The following GABRR1 variants were observed in gnomAD, a reference collection of about 807,000 sequenced individuals.
GABRR1 encodes the protein gamma-aminobutyric acid type A receptor subunit rho1, also known as gamma-aminobutyric acid receptor subunit rho-1.
Under a neutral mutation model 55.5 loss-of-function variants are expected in GABRR1, and 59 were observed. The ratio of observed to expected loss-of-function variants is 1.06; its 90% CI spans 0.86 to 1.32. The LOEUF (loss-of-function observed/expected upper bound fraction) is 1.32. Among genes scored for constraint, GABRR1 ranks in the 40% most tolerant of loss-of-function variants. The probability of loss-of-function intolerance (pLI) is 0.00; values close to 1 mark genes in which losing one functional copy is unlikely to be tolerated. For synonymous variants in GABRR1, 213 were observed against 226.0 expected (o/e 0.94, Z 0.51); for missense variants, 602 against 619.1 (o/e 0.97, Z 0.29).
At chr6:89,206,286 G>A (rs548437680) in intron 1 of GABRR1, among the ~76,000 whole-genome samples, 1 of 152,244 alleles carries the variant, frequency 6.6e-6, no homozygotes, top group African/African-American at 2.4e-5. Flanking sequence ...ATCCGTGGAA[G>A]TTGGGCATAT....
chr6:89,179,217 G>T (rs1485054945), intron 9 of GABRR1, among the ~76,000 whole-genome samples, 154 bp from the exon 10 acceptor site: 21 of 143,568 alleles, frequency 1.5e-4, no homozygotes, highest in African/African-American at 5.4e-4. Context: ...TTTTGTTTTT[G>T]TTTTTTTTTT....
At chr6:89,209,660 A>G (rs1582402494) in intron 1 of GABRR1, among the ~76,000 whole-genome samples, 1 of 151,970 alleles carries the variant, frequency 6.6e-6, no homozygotes, top group Non-Finnish European at 1.5e-5. Context: ...CAATGCTATC[A>G]CCGCAATCCC....
chr6:89,191,136 G>A (rs1772072032), intron 5 of GABRR1, among the ~76,000 whole-genome samples: 2 of 152,236 alleles, frequency 1.3e-5, no homozygotes, highest in South Asian at 4.1e-4. Flanking sequence ...GAACATTCTT[G>A]AAATGGAATT....
At chr6:89,180,235 C>T in intron 9 of GABRR1, 57 bp downstream of exon 9, 1 of 1,557,208 alleles carries the variant, frequency 6.4e-7, no homozygotes, top group East Asian at 2.3e-5. Context: ...GCCTGAGGTT[C>T]CAGAGCTAGA....
upstream of GABRR1, among the ~76,000 whole-genome samples, chr6:89,219,376 A>G (rs1456964350): frequency 1.3e-5 from 2 of 152,248 alleles, no homozygotes; most frequent in East Asian, 3.8e-4. Context: ...GTATGGCTCT[A>G]GGTTTTGCAA....
intron 3 of GABRR1, among the ~76,000 whole-genome samples, chr6:89,200,388 A>G (rs1475819421): frequency 1.3e-5 from 2 of 151,964 alleles, no homozygotes; most frequent in East Asian, 3.9e-4. Flanking sequence ...AGCTGGGACT[A>G]CAGGTGCACA....
In GABRR1 at chr6:89,196,869, AAGAAAGAAAGAG is replaced by A. The variant is rs537689737; in HGVS notation, c.572+1139_572+1150del. Among the ~76,000 whole-genome samples, 244 of 137,768 alleles carry A rather than the reference AAGAAAGAAAGAG, an allele frequency of 1.8e-3. 2 individuals carry two copies. Among genetic ancestry groups the A allele is most frequent in the African/African-American group, 4.2e-3 (161 of 38,312 alleles). 90.4% of individuals were successfully genotyped at this position (137,768 alleles called of 152,430 possible). On this transcript the variant is annotated intron_variant, in intron 5 of 9. Coordinates refer to ENST00000454853, the MANE Select transcript of GABRR1 (RefSeq NM_002042.5). ...AAAGAAAGAAAGAAAGAAAGAAAGAAAGAAAGAAAGAGAAGAGAAGAAAAAAGAAAAGAAAAT... is the reference window on the plus strand; with the variant it reads ...AAAGAAAGAAAGAAAGAAAGAAAGAAAAGAGAAGAAAAAAGAAAAGAAAAT...
At chr6:89,230,639 T>C (rs1027622767) in intron 1 of GABRR1, among the ~76,000 whole-genome samples, 5 of 151,672 alleles carry the variant, frequency 3.3e-5, no homozygotes. Flanking sequence ...TCCAGCTGCG[T>C]GCTGGGAGAA....
chr6:89,201,934 G>C (rs1484473038), intron 2 of GABRR1, among the ~76,000 whole-genome samples: 3 of 152,144 alleles, frequency 2.0e-5, no homozygotes, highest in African/African-American at 7.2e-5. Flanking sequence ...GTTATTAATA[G>C]CCCAAATTCC....
At chr6:89,202,963 C>G (rs1772524925) in intron 2 of GABRR1, among the ~76,000 whole-genome samples, 1 of 152,168 alleles carries the variant, frequency 6.6e-6, no homozygotes. Flanking sequence ...CAACTCCCAC[C>G]TAGGCCTCCC....
At chr6:89,213,341 G>A (rs1001027163) in intron 1 of GABRR1, among the ~76,000 whole-genome samples, 3 of 152,230 alleles carry the variant, frequency 2.0e-5, no homozygotes, top group African/African-American at 7.2e-5. Context: ...ATGAAATTAA[G>A]TAAGCCCTTT....
intron 6 of GABRR1, 117 bp downstream of exon 6, chr6:89,190,045 CAAA>C (rs879031533): frequency 4.4e-4 from 208 of 467,698 alleles, no homozygotes; most frequent in South Asian, 1.2e-3. Flanking sequence ...GACTCCATCT[CAAA>C]AAAAAAAAAA....
intron 7 of GABRR1, among the ~76,000 whole-genome samples, chr6:89,182,580 A>AT (rs1434063192): frequency 6.6e-6 from 1 of 152,176 alleles, no homozygotes; most frequent in Non-Finnish European, 1.5e-5. Flanking sequence ...ATGAACTACC[A>AT]TCACGCCTGG....
chr6:89,206,121 C>A (rs1772634079), intron 1 of GABRR1, among the ~76,000 whole-genome samples: 1 of 152,072 alleles, frequency 6.6e-6, no homozygotes, highest in South Asian at 2.1e-4. Context: ...CATCCCCACG[C>A]CCCCTGCCTC....
At chr6:89,217,367 A>G (rs1281081666), upstream of GABRR1, 1 of 1,603,046 alleles carries the variant, frequency 6.2e-7, no homozygotes, top group East Asian at 2.2e-5. Flanking sequence ...AGCAAAAAGG[A>G]AAAGATTGTT....
chr6:89,209,738 G>C (rs1240585907), intron 1 of GABRR1, among the ~76,000 whole-genome samples: 1 of 152,094 alleles, frequency 6.6e-6, no homozygotes, highest in Non-Finnish European at 1.5e-5. Context: ...TGGAAGGAGT[G>C]CAGACTTGGC....
intron 8 of GABRR1, 73 bp downstream of exon 8, chr6:89,181,832 G>A (rs1771730790): frequency 7.2e-7 from 1 of 1,390,770 alleles, no homozygotes; most frequent in Non-Finnish European, 9.8e-7. Context: ...TGAAAAGAAT[G>A]GTTTTATCTG....
rs1012374833 is a variant in GABRR1 at position 89,194,528 on chromosome 6, T to G, written c.572+3492A>C. 2.0e-5 allele frequency among the ~76,000 whole-genome samples: 3 copies of G among 152,156 alleles called. No homozygotes were observed. In the South Asian group the frequency reaches 6.2e-4, roughly 32 times the overall value. On this transcript the variant is annotated intron_variant, in intron 5 of 9. Transcript: ENST00000454853. ...CAACAGCAAACAGGGAATTAGGACC[T>G]CCCCAAAAGGGGATCCTAACAAGAC...
intron 7 of GABRR1, among the ~76,000 whole-genome samples, chr6:89,184,770 A>C (rs62414650): frequency 6.6e-6 from 1 of 152,114 alleles, no homozygotes; most frequent in Non-Finnish European, 1.5e-5. Context: ...AGTTCTTACT[A>C]ATTTTTTTAG....
Sources: gnomAD v4.1 joint callset for allele counts (sites outside exome capture counted in the v4.1 genomes callset) on GRCh38, gnomAD v4.1.1 for gene constraint, MANE v1.5 for transcripts, NCBI Gene and HGNC (gene_info 2026-07-23, HGNC 2026-07-21) for gene names.